The following SOX5 variants were observed in gnomAD, a reference collection of about 807,000 sequenced individuals.
The protein encoded by SOX5 is SRY-box transcription factor 5.
Under a neutral mutation model 92.0 loss-of-function variants are expected in SOX5, and 9 were observed. That is an observed-to-expected ratio of 0.10 (90% CI 0.06 to 0.17). The LOEUF (loss-of-function observed/expected upper bound fraction) is 0.17. Ranked by LOEUF, SOX5 falls within the 10% of genes least tolerant of loss-of-function variation. SOX5 has a pLI of 1.00. For synonymous variants in SOX5, 344 were observed against 336.3 expected (o/e 1.02, Z -0.25); for missense variants, 642 against 944.5 (o/e 0.68, Z 4.20).
At chr12:24,476,880 T>G (rs938679205) in intron 1 of SOX5, among the ~76,000 whole-genome samples, 2 of 151,102 alleles carry the variant, frequency 1.3e-5, no homozygotes, top group African/African-American at 4.9e-5. Flanking sequence ...AATGAGAATT[T>G]GGCTGAGCAT....
At chr12:24,218,526 G>C (rs893055098) in intron 3 of SOX5, among the ~76,000 whole-genome samples, 4 of 152,062 alleles carry the variant, frequency 2.6e-5, no homozygotes, top group African/African-American at 4.8e-5. Context: ...GCTTCTTTTT[G>C]TCAGATGGAA....
intron 5 of SOX5, among the ~76,000 whole-genome samples, chr12:23,739,956 G>A (rs1300269839): frequency 2.0e-5 from 3 of 151,676 alleles, no homozygotes; most frequent in Non-Finnish European, 2.9e-5. Flanking sequence ...AATATTTAAG[G>A]GCTTTGTCTC....
chr12:24,289,448 TG>T (rs1444273703), intron 2 of SOX5, among the ~76,000 whole-genome samples: 1 of 119,708 alleles, frequency 8.4e-6, no homozygotes, highest in African/African-American at 3.7e-5. Flanking sequence ...TAAGGACATT[TG>T]TATCTTTTTT....
intron 8 of SOX5, among the ~76,000 whole-genome samples, chr12:23,637,264 T>C (rs2079381870): frequency 6.6e-6 from 1 of 152,226 alleles, no homozygotes; most frequent in Non-Finnish European, 1.5e-5. Context: ...CCCATCTTAC[T>C]GCTGCCTTAT....
At chr12:24,470,250 C>T (rs886218702) in intron 1 of SOX5, among the ~76,000 whole-genome samples, 10 of 152,124 alleles carry the variant, frequency 6.6e-5, no homozygotes, top group African/African-American at 1.7e-4. Context: ...TATATCATCT[C>T]GAAGCATCAT....
chr12:24,151,949 A>G (rs1380541551), intron 4 of SOX5, among the ~76,000 whole-genome samples: 1 of 152,146 alleles, frequency 6.6e-6, no homozygotes, highest in African/African-American at 2.4e-5. Context: ...TATGTTTGAT[A>G]GTCTCCCTAT....
intron 2 of SOX5, among the ~76,000 whole-genome samples, chr12:24,314,474 C>A (rs1249385970): frequency 6.6e-6 from 1 of 151,680 alleles, no homozygotes; most frequent in Non-Finnish European, 1.5e-5. Context: ...ATGTAACTAA[C>A]CTGCACGTTA....
intron 4 of SOX5, among the ~76,000 whole-genome samples, chr12:24,006,374 T>G (rs1367609196): frequency 5.3e-5 from 8 of 152,220 alleles, no homozygotes; most frequent in Non-Finnish European, 1.0e-4. Context: ...TCCTTACTTG[T>G]GGGGTTCCAT....
chr12:23,813,961 G>A (rs1295202714), intron 3 of SOX5, among the ~76,000 whole-genome samples: 2 of 152,064 alleles, frequency 1.3e-5, no homozygotes, highest in African/African-American at 2.4e-5. Flanking sequence ...ATATCACAAT[G>A]TGAATCTTGA....
chr12:24,290,221 T>C (rs752495582), intron 2 of SOX5, among the ~76,000 whole-genome samples: 7 of 152,174 alleles, frequency 4.6e-5, no homozygotes, highest in Non-Finnish European at 1.0e-4. Context: ...TATCCTCATA[T>C]CCAAATCCAG....
At chr12:24,262,606 T>C (rs1942311688) in intron 3 of SOX5, among the ~76,000 whole-genome samples, 1 of 152,192 alleles carries the variant, frequency 6.6e-6, no homozygotes, top group South Asian at 2.1e-4. Context: ...ATTCCTAATA[T>C]GGACAGCTTC....
chr12:24,038,077 A>G lies in SOX5; in HGVS notation c.-1-142053T>C, dbSNP rs537406613. Among the ~76,000 whole-genome samples the G allele has an allele frequency of 3.9e-5, 6 of 152,350 alleles. No individual in the cohort carries two copies. The Middle Eastern group carries it at 0.01, about 259-fold the overall frequency. Reference sequence around the variant, plus strand: ...AGTAGAAACCAAGATTTAAAATATGACAAAATTATCCTCTATAAATCGTAC... The same window carrying G: ...AGTAGAAACCAAGATTTAAAATATGGCAAAATTATCCTCTATAAATCGTAC... On this transcript the variant is annotated intron_variant, in intron 4 of 4. Coordinates refer to the SOX5 transcript ENST00000446891.
chr12:24,527,195 G>A (rs1950790970), intron 1 of SOX5, among the ~76,000 whole-genome samples: 1 of 152,174 alleles, frequency 6.6e-6, no homozygotes, highest in Non-Finnish European at 1.5e-5. Flanking sequence ...ATGCCTATGA[G>A]TACCTAACCC....
At chr12:24,047,624 C>A (rs1311572455) in intron 4 of SOX5, among the ~76,000 whole-genome samples, 1 of 152,202 alleles carries the variant, frequency 6.6e-6, no homozygotes, top group African/African-American at 2.4e-5. Flanking sequence ...CACATGGGAT[C>A]AGCCAGGACC....
rs367699438 is a variant in SOX5, at chr12:23,971,775, T to C, written c.-1-75751A>G. Among the ~76,000 whole-genome samples, 10 of 152,224 alleles carry C rather than the reference T, an allele frequency of 6.6e-5. No homozygotes were observed. The East Asian group carries it at 1.4e-3, about 21-fold the overall frequency. Reference sequence around the variant, plus strand: ...CCCTTCCCAAGTCTGTTAATTATTTTGCCAAATAACAGATTTGGGGAGGGG... The same window carrying C: ...CCCTTCCCAAGTCTGTTAATTATTTCGCCAAATAACAGATTTGGGGAGGGG... On this transcript the variant is annotated intron_variant, in intron 4 of 4. Transcript: ENST00000446891.
intron 4 of SOX5, among the ~76,000 whole-genome samples, chr12:24,140,599 C>T (rs899400437): frequency 6.6e-6 from 1 of 152,086 alleles, no homozygotes; most frequent in African/African-American, 2.4e-5. Flanking sequence ...ACAAGGAAGT[C>T]AATGGTTTGA....
chr12:23,555,842 A>C (rs964265150), intron 11 of SOX5, among the ~76,000 whole-genome samples: 1 of 152,206 alleles, frequency 6.6e-6, no homozygotes, highest in Non-Finnish European at 1.5e-5. Context: ...AAATACCCCC[A>C]AAAAGAAAAG....
In SOX5 at chr12:24,321,428, G is replaced by C. The variant is rs899756896; in HGVS notation, c.-173-44116C>G. Reference sequence around the variant, plus strand: ...AATTAAAGAGATACATAAAATATTGGTATCTTCTCAAACATTTAACATTCT... The same window carrying C: ...AATTAAAGAGATACATAAAATATTGCTATCTTCTCAAACATTTAACATTCT... On this transcript the variant is annotated intron_variant, in intron 2 of 4. Transcript: ENST00000446891. 3.9e-5 allele frequency among the ~76,000 whole-genome samples: 6 copies of C among 152,048 alleles called. No homozygotes were observed. The East Asian group carries it at 1.2e-3, about 29-fold the overall frequency.
At chr12:23,666,539 G>A (rs1159647503) in intron 6 of SOX5, among the ~76,000 whole-genome samples, 1 of 152,134 alleles carries the variant, frequency 6.6e-6, no homozygotes. Context: ...GATCTCGCTG[G>A]TGAAAATGAT....
Sources: allele counts gnomAD v4.1 joint callset (sites outside exome capture counted in the v4.1 genomes callset), GRCh38; gene constraint gnomAD v4.1.1; transcripts MANE v1.5; gene names NCBI Gene and HGNC (gene_info 2026-07-23, HGNC 2026-07-21).